ANGPT2: variants seen among roughly 807,000 people sequenced by gnomAD.
ANGPT2 encodes the protein angiopoietin 2.
Under a neutral mutation model 62.9 loss-of-function variants are expected in ANGPT2, and 28 were observed. The observed-to-expected ratio is 0.44, with a 90% confidence interval of 0.33 to 0.61. The LOEUF is 0.61. ANGPT2 is among the 20% of genes least tolerant of loss of function. The pLI is 0.03. For synonymous variants in ANGPT2, 284 were observed against 207.8 expected, an observed-to-expected ratio of 1.37 and a Z score of -3.15; for missense variants, 727 against 594.9, an observed-to-expected ratio of 1.22 and a Z score of -2.31.
chr8:6,540,860 C>T (rs563558127), intron 1 of ANGPT2, among the ~76,000 whole-genome samples: 6 of 152,352 alleles, frequency 3.9e-5, no homozygotes, highest in Admixed American at 1.3e-4. Context: ...TGGACTCAGG[C>T]GGCCACCGCC....
chr8:6,513,891 T>C, intron 6 of ANGPT2, 47 bp from the exon 7 acceptor site: 1 of 1,542,764 alleles, frequency 6.5e-7, no homozygotes, highest in Non-Finnish European at 8.8e-7. Context: ...AATTTTTTCT[T>C]TGTATATTTG....
At chr8:6,544,413 G>C (rs912837554) in intron 1 of ANGPT2, among the ~76,000 whole-genome samples, 1 of 152,312 alleles carries the variant, frequency 6.6e-6, no homozygotes, top group East Asian at 1.9e-4. Flanking sequence ...GCAAATCACT[G>C]AACTTGTAAT....
chr8:6,539,436 T>A (rs1440690883), intron 1 of ANGPT2, among the ~76,000 whole-genome samples: 1 of 152,126 alleles, frequency 6.6e-6, no homozygotes, highest in Non-Finnish European at 1.5e-5. Flanking sequence ...CTGGTGCCAA[T>A]TTCCTAGTGG....
intron 7 of ANGPT2, among the ~76,000 whole-genome samples, chr8:6,513,221 AC>A (rs1339572721): frequency 1.3e-5 from 2 of 152,220 alleles, no homozygotes; most frequent in African/African-American, 4.8e-5. Flanking sequence ...AGAATTTTAA[AC>A]CCAGAGAAAC....
intron 1 of ANGPT2, among the ~76,000 whole-genome samples, chr8:6,541,194 T>A (rs1483412723): frequency 1.3e-5 from 2 of 152,158 alleles, no homozygotes; most frequent in Non-Finnish European, 2.9e-5. Flanking sequence ...GAGGGTGAAT[T>A]CTGAGCAGCA....
At chr8:6,533,472 G>C (rs917175139) in intron 1 of ANGPT2, among the ~76,000 whole-genome samples, 9 of 151,910 alleles carry the variant, frequency 5.9e-5, no homozygotes, top group African/African-American at 1.9e-4. Flanking sequence ...TGTAAAATAG[G>C]GTTTCTGGTT....
chr8:6,528,298 C>A (rs1247926478), intron 2 of ANGPT2, among the ~76,000 whole-genome samples: 1 of 152,108 alleles, frequency 6.6e-6, no homozygotes, highest in Non-Finnish European at 1.5e-5. Context: ...TTATTTCATA[C>A]AATGAGACAA....
In ANGPT2 at chr8:6,562,648, T is replaced by C. The variant is rs747192726; in HGVS notation, c.287A>G (p.Lys96Arg). 1.9e-6 allele frequency: 3 copies of C among 1,550,042 alleles called. No individual in the cohort carries two copies. The highest frequency in any genetic ancestry group is 1.8e-6 in the Non-Finnish European group (2 of 1,136,860). ...IMENNTQWLM[K>R]LENYIQDNMK... ...AAGACAGATGGATTTTTTTCCTACC[T>C]TCATTAGCCACTGAGTGTTGTTTTC... Residue 96 changes from lysine (K) to arginine (R), a missense_variant and splice_region_variant, in exon 1 of 9, where the codon AAG becomes AGG. Lys to Arg is a conservative substitution (Grantham distance 26). Coordinates refer to ENST00000629816, the MANE Select transcript of ANGPT2 (RefSeq NM_001118887.2).
At chr8:6,519,222 C>A (rs1013413531) in intron 5 of ANGPT2, among the ~76,000 whole-genome samples, 1 of 152,164 alleles carries the variant, frequency 6.6e-6, no homozygotes, top group Non-Finnish European at 1.5e-5. Flanking sequence ...TCCTGCGTGT[C>A]CCTCAGACCA....
intron 7 of ANGPT2, among the ~76,000 whole-genome samples, chr8:6,510,798 G>A (rs1407880545): frequency 1.3e-5 from 2 of 152,200 alleles, no homozygotes; most frequent in African/African-American, 2.4e-5. Flanking sequence ...AGTTCTGTAA[G>A]TGTTGCTCCT....
chr8:6,544,313 A>G (rs182729851), intron 1 of ANGPT2, among the ~76,000 whole-genome samples: 1 of 152,326 alleles, frequency 6.6e-6, no homozygotes, highest in East Asian at 1.9e-4. Context: ...AAAATGTTCT[A>G]AAAGCACATG....
chr8:6,518,206 C>G (rs1474179770), intron 5 of ANGPT2, among the ~76,000 whole-genome samples: 4 of 152,170 alleles, frequency 2.6e-5, no homozygotes, highest in African/African-American at 9.7e-5. Flanking sequence ...CCATGGCATC[C>G]CCATTTCACA....
In ANGPT2 at chr8:6,503,049, G is replaced by T; in HGVS notation, c.*52C>A. 1 of 1,604,958 alleles carries T rather than the reference G, an allele frequency of 6.2e-7. No individual in the cohort carries two copies. The highest frequency in any genetic ancestry group is 8.5e-7 in the Non-Finnish European group (1 of 1,174,540). ...GCAGCCGTGACTTTCAGTGCACTGG[G>T]CTTAAGTCTTTGAAAATAGTTCGAG... On this transcript the variant is annotated 3_prime_UTR_variant, in exon 9 of 9. Transcript: ENST00000629816.
At chr8:6,524,351 A>G (rs2129570057) in intron 3 of ANGPT2, among the ~76,000 whole-genome samples, 1 of 152,336 alleles carries the variant, frequency 6.6e-6, no homozygotes, top group South Asian at 2.1e-4. Flanking sequence ...TATTCTATAC[A>G]TTTCACTAGC....
intron 2 of ANGPT2, 74 bp from the exon 3 acceptor site, chr8:6,527,750 A>T (rs1818613862): frequency 7.5e-6 from 10 of 1,340,424 alleles, no homozygotes; most frequent in Non-Finnish European, 1.0e-5. Context: ...TTTTCATTAA[A>T]GTACCCAAGC....
intron 5 of ANGPT2, among the ~76,000 whole-genome samples, chr8:6,519,415 A>G (rs1207680455): frequency 1.3e-5 from 2 of 152,214 alleles, no homozygotes; most frequent in African/African-American, 4.8e-5. Context: ...CACACAAAAA[A>G]GAAAGGAACA....
intron 1 of ANGPT2, 87 bp from the exon 2 acceptor site, chr8:6,532,574 T>TTAA (rs1819725571): frequency 6.8e-6 from 4 of 589,542 alleles, no homozygotes; most frequent in Non-Finnish European, 9.9e-6. Flanking sequence ...TCCCTATCTT[T>TTAA]AAAAAAAAAA....
At chr8:6,548,380 T>C (rs1481589186) in intron 1 of ANGPT2, among the ~76,000 whole-genome samples, 1 of 152,124 alleles carries the variant, frequency 6.6e-6, no homozygotes, top group African/African-American at 2.4e-5. Flanking sequence ...GCCTAGGAAA[T>C]TTCCCGAAAA....
chr8:6,533,211 CT>C (rs1194363120), intron 1 of ANGPT2, among the ~76,000 whole-genome samples: 3 of 152,200 alleles, frequency 2.0e-5, no homozygotes, highest in Non-Finnish European at 4.4e-5. Flanking sequence ...CCCTCAGTTA[CT>C]AAAGATGATG....
Sources: gnomAD v4.1 joint callset for allele counts (sites outside exome capture counted in the v4.1 genomes callset) on GRCh38, gnomAD v4.1.1 for gene constraint, MANE v1.5 for transcripts, NCBI Gene and HGNC (gene_info 2026-07-23, HGNC 2026-07-21) for gene names.